The following STK4 variants were observed in gnomAD, a reference collection of about 807,000 sequenced individuals.
STK4 encodes serine/threonine kinase 4, also known as serine/threonine-protein kinase 4.
A neutral mutation model predicts 64.9 loss-of-function variants in STK4; 30 were observed. That is an observed-to-expected ratio of 0.46 (90% CI 0.35 to 0.63). STK4 has a LOEUF of 0.63. Among genes scored for constraint, STK4 ranks in the 20% least tolerant of loss-of-function variants. STK4 has a pLI of 0.01. For synonymous variants in STK4, 177 were observed against 199.0 expected, an observed-to-expected ratio of 0.89 and a Z score of 0.93; for missense variants, 466 against 598.5, an observed-to-expected ratio of 0.78 and a Z score of 2.31.
chr20:44,979,219 T>C (rs536847086), intron 3 of STK4, among the ~76,000 whole-genome samples: 1 of 152,236 alleles, frequency 6.6e-6, no homozygotes, highest in Admixed American at 6.5e-5. Context: ...GAGAAAACAT[T>C]TCTGCAGAGA....
intron 10 of STK4, among the ~76,000 whole-genome samples, chr20:45,053,736 G>A (rs1053534102): frequency 1.3e-5 from 2 of 152,052 alleles, no homozygotes; most frequent in African/African-American, 4.8e-5. Context: ...AATTGAAAAG[G>A]GTCTTAAAGG....
At chr20:45,001,495 G>C in intron 9 of STK4, 142 bp downstream of exon 9, 2 of 1,028,152 alleles carry the variant, frequency 1.9e-6, no homozygotes, top group South Asian at 2.3e-5. Context: ...GGAAGTTTGC[G>C]ATGGGGACAG....
intron 10 of STK4, among the ~76,000 whole-genome samples, chr20:45,050,072 G>T (rs1294397302): frequency 2.6e-5 from 4 of 152,174 alleles, no homozygotes; most frequent in South Asian, 2.1e-4. Flanking sequence ...AAATGTGATA[G>T]AACAGACGAG....
intron 10 of STK4, among the ~76,000 whole-genome samples, chr20:45,034,515 T>A (rs1479207621): frequency 6.6e-6 from 1 of 152,302 alleles, no homozygotes; most frequent in Non-Finnish European, 1.5e-5. Context: ...CATAAAAATA[T>A]GCAAGATACT....
At chr20:45,061,589 T>C (rs1481530251) in intron 10 of STK4, among the ~76,000 whole-genome samples, 1 of 139,030 alleles carries the variant, frequency 7.2e-6, no homozygotes, top group Non-Finnish European at 1.5e-5. Context: ...TTTATTTTAG[T>C]ATGGAAATTT....
intron 10 of STK4, among the ~76,000 whole-genome samples, chr20:45,032,887 C>T (rs551726230): frequency 2.0e-5 from 3 of 152,254 alleles, no homozygotes; most frequent in East Asian, 1.9e-4. Context: ...ACATTCCCAC[C>T]AGCAGTGTAT....
intron 9 of STK4, among the ~76,000 whole-genome samples, chr20:45,010,233 A>C (rs921093147): frequency 1.3e-5 from 2 of 151,874 alleles, no homozygotes; most frequent in Non-Finnish European, 2.9e-5. Flanking sequence ...CACCTGGCTA[A>C]TTTTTATGTT....
At chr20:45,042,197 T>G (rs748995925) in intron 10 of STK4, among the ~76,000 whole-genome samples, 1 of 147,402 alleles carries the variant, frequency 6.8e-6, no homozygotes, top group Non-Finnish European at 1.5e-5. Flanking sequence ...TCTCATTCAC[T>G]TAGACACATA....
chr20:45,041,922 C>A (rs2068620463), intron 10 of STK4, among the ~76,000 whole-genome samples: 1 of 152,034 alleles, frequency 6.6e-6, no homozygotes, highest in Non-Finnish European at 1.5e-5. Flanking sequence ...GTAATCAGAA[C>A]CTGAAGTTTT....
rs1225643041 is a variant in STK4, at chr20:45,054,578, CA to C, written c.1306-20425del. ...CCCTATCTTTTTTTTTTTTTTTTTT[CA>C]AAAAAAAAAAAAAAGGAAAAAGTAC... On this transcript the variant is annotated intron_variant, in intron 10 of 10. Transcript: ENST00000372806. 5.6e-3 allele frequency among the ~76,000 whole-genome samples: 360 copies of C among 64,610 alleles called. 1 individual carries two copies. The highest frequency in any genetic ancestry group is 0.028 in the South Asian group (56 of 2,010). The allele number at this position is 64,610 out of a possible 152,430, so 42.4% of individuals were successfully genotyped here. A position where few individuals can be genotyped will look rare whatever the true frequency, so the allele number is the denominator to read the frequency against.
intron 10 of STK4, chr20:45,053,003 T>C: frequency 9.4e-7 from 1 of 1,066,538 alleles, no homozygotes; most frequent in South Asian, 1.4e-5. Flanking sequence ...TTATTTTTCC[T>C]GTAAAGCTTG....
At chr20:44,992,334 T>A (rs1367023594) in intron 5 of STK4, among the ~76,000 whole-genome samples, 1 of 150,794 alleles carries the variant, frequency 6.6e-6, no homozygotes, top group East Asian at 2.0e-4. Flanking sequence ...TCATGGCTCA[T>A]TGTGGTGTCA....
chr20:45,033,681 G>T (rs1294781152), intron 10 of STK4, among the ~76,000 whole-genome samples: 1 of 152,150 alleles, frequency 6.6e-6, no homozygotes, highest in African/African-American at 2.4e-5. Flanking sequence ...CTGGGTTCAA[G>T]TGATTCTCCT....
At chr20:44,998,626 A>C (rs919970443) in intron 7 of STK4, among the ~76,000 whole-genome samples, 1 of 152,218 alleles carries the variant, frequency 6.6e-6, no homozygotes, top group African/African-American at 2.4e-5. Context: ...AATATTGTCT[A>C]TGATGTGATG....
At chr20:45,049,588 G>T (rs1318965221) in intron 10 of STK4, among the ~76,000 whole-genome samples, 12 of 152,136 alleles carry the variant, frequency 7.9e-5, no homozygotes, top group Non-Finnish European at 1.5e-4. Flanking sequence ...ATTATCTGTG[G>T]AACTCTTCCC....
intron 10 of STK4, among the ~76,000 whole-genome samples, chr20:45,072,995 T>A (rs1980206749): frequency 6.6e-6 from 1 of 152,232 alleles, no homozygotes; most frequent in South Asian, 2.1e-4. Flanking sequence ...CAAAATAGTA[T>A]TGTCTGTTTT....
Position 45,071,864 on chromosome 20 carries a change from C to T in STK4, c.1306-3154C>T, listed in dbSNP as rs577062448. On this transcript the variant is annotated intron_variant, in intron 10 of 10. Coordinates refer to ENST00000372806, the MANE Select transcript of STK4 (RefSeq NM_006282.5). ...GCTCACTGCAGCCTTGGAGTGGGCT[C>T]AAGCGATCCTCCCATCTCAGCATCC... 3.5e-4 allele frequency among the ~76,000 whole-genome samples: 53 copies of T among 152,168 alleles called. 1 individual carries two copies. The highest frequency in any genetic ancestry group is 1.2e-3 in the African/African-American group (51 of 41,508).
At chr20:45,024,452 A>G (rs2068308342) in intron 9 of STK4, among the ~76,000 whole-genome samples, 2 of 152,070 alleles carry the variant, frequency 1.3e-5, no homozygotes, top group Non-Finnish European at 2.9e-5. Context: ...GAGTGGATGA[A>G]TTGTGATTTA....
At chr20:45,066,115 GA>G (rs1243361540) in intron 10 of STK4, among the ~76,000 whole-genome samples, 1 of 147,906 alleles carries the variant, frequency 6.8e-6, no homozygotes, top group Non-Finnish European at 1.5e-5. Context: ...ATATGTATAG[GA>G]AAAAATTGTG....
Sources: gnomAD v4.1 joint callset for allele counts (sites outside exome capture counted in the v4.1 genomes callset) on GRCh38, gnomAD v4.1.1 for gene constraint, MANE v1.5 for transcripts, NCBI Gene and HGNC (gene_info 2026-07-23, HGNC 2026-07-21) for gene names.